DNM3: variants seen among roughly 807,000 people sequenced by gnomAD.
The protein encoded by DNM3 is dynamin 3.
Under a neutral mutation model 101.6 loss-of-function variants are expected in DNM3, and 47 were observed. The ratio of observed to expected loss-of-function variants is 0.46; its 90% CI spans 0.37 to 0.59. DNM3 has a LOEUF of 0.59. Among genes scored for constraint, DNM3 ranks in the 20% least tolerant of loss-of-function variants. The probability of loss-of-function intolerance (pLI) is 0.00; values close to 1 mark genes in which losing one functional copy is unlikely to be tolerated. For missense variants in DNM3, 849 were observed against 1,085.7 expected (o/e 0.78, Z 3.06); for synonymous variants, 385 against 387.9 (o/e 0.99, Z 0.09).
chr1:172,197,968 G>A (rs2148471949), intron 14 of DNM3, among the ~76,000 whole-genome samples: 1 of 152,206 alleles, frequency 6.6e-6, no homozygotes, highest in East Asian at 1.9e-4. Flanking sequence ...GTAAGAGAGG[G>A]CATCCTTGTC....
chr1:172,131,410 G>C, intron 14 of DNM3, 122 bp downstream of exon 14: 1 of 773,854 alleles, frequency 1.3e-6, no homozygotes, highest in Non-Finnish European at 2.0e-6. Context: ...ATTAAGCTTG[G>C]AATGTTTGTT....
At chr1:171,976,627 T>C (rs2044393100) in intron 2 of DNM3, among the ~76,000 whole-genome samples, 1 of 152,188 alleles carries the variant, frequency 6.6e-6, no homozygotes, top group Admixed American at 6.5e-5. Flanking sequence ...CCAAACCATA[T>C]CATTGACATT....
intron 15 of DNM3, among the ~76,000 whole-genome samples, chr1:172,268,171 A>G (rs537606482): frequency 2.0e-5 from 3 of 152,170 alleles, no homozygotes; most frequent in Non-Finnish European, 2.9e-5. Flanking sequence ...TTGTGACTGC[A>G]CAAGATGAGG....
intron 20 of DNM3, 102 bp from the exon 21 acceptor site, chr1:172,407,670 G>A (rs895805650): frequency 9.2e-5 from 107 of 1,167,240 alleles, no homozygotes; most frequent in Non-Finnish European, 7.8e-5. Flanking sequence ...TGGCCTGTAT[G>A]TGCATGAGCA....
At chr1:172,161,211 T>C (rs1459165215) in intron 14 of DNM3, among the ~76,000 whole-genome samples, 1 of 149,222 alleles carries the variant, frequency 6.7e-6, no homozygotes, top group African/African-American at 2.4e-5. Flanking sequence ...ATATATTTTA[T>C]AATAATATAT....
chr1:172,364,926 C>A (rs1199700327), intron 17 of DNM3, among the ~76,000 whole-genome samples: 1 of 151,814 alleles, frequency 6.6e-6, no homozygotes, highest in Non-Finnish European at 1.5e-5. Context: ...TCCCCAGAAG[C>A]CAGGCAGATG....
At position 172,199,694 on chromosome 1, in the gene DNM3, A is replaced by T. The variant is rs192176105; in HGVS notation, c.1660-53879A>T. On this transcript the variant is annotated intron_variant, in intron 14 of 20. Transcript: ENST00000627582. ...CTTTTTTGATATTTGTTGGTTTGAC[A>T]TCTGTTTTGTCTGAAATTAGGATTG... Among the ~76,000 whole-genome samples, 7 of 152,020 alleles carry T rather than the reference A, an allele frequency of 4.6e-5. No homozygotes were observed. The East Asian group carries it at 1.4e-3, about 29-fold the overall frequency.
At chr1:171,948,451 T>C (rs1322252127) in intron 2 of DNM3, among the ~76,000 whole-genome samples, 2 of 152,106 alleles carry the variant, frequency 1.3e-5, no homozygotes, top group African/African-American at 4.8e-5. Context: ...GGTTTTTGGG[T>C]GCTTGAGAAT....
chr1:172,413,510 A>C (rs1212771812), downstream of DNM3, among the ~76,000 whole-genome samples: 1 of 152,118 alleles, frequency 6.6e-6, no homozygotes, highest in Non-Finnish European at 1.5e-5. Flanking sequence ...TACAGGTGTG[A>C]GCCACCGCAC....
intron 13 of DNM3, among the ~76,000 whole-genome samples, chr1:172,101,359 G>C (rs1364493093): frequency 6.6e-6 from 1 of 151,988 alleles, no homozygotes; most frequent in Non-Finnish European, 1.5e-5. Context: ...TAATTCTACT[G>C]ACTATGTTAG....
intron 10 of DNM3, among the ~76,000 whole-genome samples, chr1:172,061,966 C>T (rs1295653600): frequency 6.6e-6 from 1 of 152,044 alleles, no homozygotes; most frequent in South Asian, 2.1e-4. Flanking sequence ...ATGTAATAGG[C>T]TTTAGTGCCC....
intron 15 of DNM3, among the ~76,000 whole-genome samples, chr1:172,257,408 CTTGAGGCCAATCTATGTTAT>C (rs762130790): frequency 3.9e-5 from 6 of 152,170 alleles, no homozygotes; most frequent in Non-Finnish European, 5.9e-5. Context: ...CCAATTTTTG[CTTGAGGCCAATCTATGTTAT>C]TAGATTCATA....
intron 11 of DNM3, among the ~76,000 whole-genome samples, chr1:172,069,997 A>G (rs1354725732): frequency 1.3e-5 from 2 of 152,160 alleles, no homozygotes; most frequent in African/African-American, 4.8e-5. Context: ...AGGAGAAAGG[A>G]GAAAAGGAAG....
chr1:172,231,335 G>T (rs1367403164), intron 14 of DNM3, among the ~76,000 whole-genome samples: 2 of 152,124 alleles, frequency 1.3e-5, no homozygotes, highest in Non-Finnish European at 2.9e-5. Flanking sequence ...GGCAAACAGG[G>T]TCTGGAGTGG....
At chr1:172,070,097 A>G (rs1353818535) in intron 11 of DNM3, among the ~76,000 whole-genome samples, 4 of 152,106 alleles carry the variant, frequency 2.6e-5, no homozygotes, top group Non-Finnish European at 5.9e-5. Flanking sequence ...ATTCATTGTC[A>G]CTACTTTTTA....
chr1:172,270,089 T>C (rs2063025974), intron 15 of DNM3, among the ~76,000 whole-genome samples: 1 of 152,122 alleles, frequency 6.6e-6, no homozygotes, highest in Admixed American at 6.6e-5. Context: ...AGAATAAACA[T>C]AAAAAGTCCA....
chr1:171,900,048 A>G (rs762170169), intron 1 of DNM3, among the ~76,000 whole-genome samples: 3 of 152,214 alleles, frequency 2.0e-5, no homozygotes, highest in Admixed American at 2.0e-4. Flanking sequence ...GAGACTGCAC[A>G]GTGGGGGAGG....
At chr1:172,132,956 A>T in intron 14 of DNM3, 4 of 1,536,726 alleles carry the variant, frequency 2.6e-6, no homozygotes, top group Non-Finnish European at 3.5e-6. Flanking sequence ...CAAAGCAGAA[A>T]TTTGAACCCA....
chr1:171,876,343 A>T (rs2035781032), intron 1 of DNM3, among the ~76,000 whole-genome samples: 1 of 152,176 alleles, frequency 6.6e-6, no homozygotes, highest in Non-Finnish European at 1.5e-5. Flanking sequence ...GTCAAAACAA[A>T]AAAAGGACAG....
Sources: allele counts gnomAD v4.1 joint callset (sites outside exome capture counted in the v4.1 genomes callset), GRCh38; gene constraint gnomAD v4.1.1; transcripts MANE v1.5; gene names NCBI Gene and HGNC (gene_info 2026-07-23, HGNC 2026-07-21).